The following ANKFN1 variants were observed in gnomAD, a reference collection of about 807,000 sequenced individuals.
ANKFN1 encodes the protein ankyrin repeat and fibronectin type III domain containing 1.
Under a neutral mutation model 108.7 loss-of-function variants are expected in ANKFN1, and 74 were observed. The ratio of observed to expected loss-of-function variants is 0.68; its 90% CI spans 0.56 to 0.83. The LOEUF (loss-of-function observed/expected upper bound fraction) is 0.83. Among genes scored for constraint, ANKFN1 ranks in the 40% least tolerant of loss-of-function variants. The pLI, the probability that ANKFN1 is intolerant of heterozygous loss-of-function variation, is 0.00. For synonymous variants in ANKFN1, 547 were observed against 516.2 expected (o/e 1.06, Z -0.81); for missense variants, 1,505 against 1,382.3 (o/e 1.09, Z -1.41).
chr17:56,066,087 C>T (rs1350972526), intron 4 of ANKFN1, among the ~76,000 whole-genome samples: 1 of 152,250 alleles, frequency 6.6e-6, no homozygotes, highest in Non-Finnish European at 1.5e-5. Flanking sequence ...TTACCTGAGA[C>T]ATTGGAGGTG....
intron 3 of ANKFN1, among the ~76,000 whole-genome samples, chr17:56,239,384 A>T (rs1171344070): frequency 2.6e-5 from 4 of 152,100 alleles, no homozygotes; most frequent in Non-Finnish European, 4.4e-5. Flanking sequence ...ATAAGCTAAC[A>T]ATTGAAGTGT....
chr17:56,504,707 G>C (rs1010578456), intron 20 of ANKFN1, among the ~76,000 whole-genome samples: 6 of 151,946 alleles, frequency 3.9e-5, no homozygotes, highest in Admixed American at 3.3e-4. Context: ...CCAGGCTGGA[G>C]TGCAGTGGCA....
In ANKFN1 at chr17:56,300,892, T is replaced by C. The variant is rs150213862; in HGVS notation, c.54-25329T>C. ...GCTTAGAATTTGGGTCCCTCCACCT[T>C]AATCAAATCCTGAAGTTCAGCATTA... On this transcript the variant is annotated intron_variant, in intron 3 of 20. Transcript: ENST00000682825. Among the ~76,000 whole-genome samples the C allele has an allele frequency of 1.6e-3, 237 of 152,298 alleles. 2 individuals carry two copies. Among genetic ancestry groups the C allele is most frequent in the Non-Finnish European group, 2.8e-3 (188 of 68,010 alleles).
rs149930194 is a variant in ANKFN1, at chr17:56,406,494, TATC to T, written c.910+31781_910+31783del. ...AGTCTTTTATAGTGCTTATTTAAGC[TATC>T]GAGAAAGAGAAGAGTCTTAAATGAC... On this transcript the variant is annotated intron_variant, in intron 8 of 20. Coordinates refer to ENST00000682825, the MANE Select transcript of ANKFN1 (RefSeq NM_001370326.1). 5.6e-3 allele frequency among the ~76,000 whole-genome samples: 856 copies of T among 152,306 alleles called. 3 individuals are homozygous for T. Among genetic ancestry groups the T allele is most frequent in the African/African-American group, 0.02 (831 of 41,574 alleles).
intron 4 of ANKFN1, among the ~76,000 whole-genome samples, chr17:56,329,906 G>A (rs932471458): frequency 6.6e-6 from 1 of 152,168 alleles, no homozygotes; most frequent in Admixed American, 6.5e-5. Flanking sequence ...GCTATAGCAA[G>A]AGGGTTCTGT....
intron 4 of ANKFN1, among the ~76,000 whole-genome samples, chr17:56,062,845 T>C (rs1904998622): frequency 6.6e-6 from 1 of 152,204 alleles, no homozygotes; most frequent in Non-Finnish European, 1.5e-5. Context: ...TTTTGGTGTG[T>C]TTTTGCAGTG....
intron 1 of ANKFN1, among the ~76,000 whole-genome samples, chr17:56,198,098 G>C (rs1266418679): frequency 1.3e-5 from 2 of 152,148 alleles, no homozygotes; most frequent in African/African-American, 4.8e-5. Flanking sequence ...GATGATCTGA[G>C]GTGAAGCAGT....
intron 3 of ANKFN1, among the ~76,000 whole-genome samples, chr17:56,239,092 A>G (rs1917384733): frequency 1.3e-5 from 2 of 152,186 alleles, no homozygotes; most frequent in Admixed American, 1.3e-4. Context: ...AGATTTCATC[A>G]TTCTATCTTT....
At chr17:56,145,107 T>C (rs1908179686) in intron 4 of ANKFN1, among the ~76,000 whole-genome samples, 1 of 151,782 alleles carries the variant, frequency 6.6e-6, no homozygotes, top group Non-Finnish European at 1.5e-5. Flanking sequence ...ACAAAAGGGG[T>C]AGGTGTTTTT....
intron 4 of ANKFN1, among the ~76,000 whole-genome samples, chr17:56,107,338 T>G (rs1405739437): frequency 6.6e-6 from 1 of 152,148 alleles, no homozygotes; most frequent in African/African-American, 2.4e-5. Context: ...GTCAAAATGC[T>G]CCATCCATGT....
chr17:56,501,353 T>C (rs535126891), intron 20 of ANKFN1, among the ~76,000 whole-genome samples: 32 of 152,290 alleles, frequency 2.1e-4, no homozygotes, highest in Admixed American at 4.6e-4. Context: ...AAATCAAATC[T>C]GGTTGCTGTA....
intron 15 of ANKFN1, chr17:56,472,222 G>C (rs1210002044): frequency 6.6e-6 from 1 of 152,060 alleles, no homozygotes; most frequent in African/African-American, 2.4e-5. Flanking sequence ...AAAAATTTTG[G>C]TAAAGTCTTT....
intron 4 of ANKFN1, among the ~76,000 whole-genome samples, chr17:56,087,963 T>C (rs1905346941): frequency 6.6e-6 from 1 of 151,164 alleles, no homozygotes; most frequent in African/African-American, 2.4e-5. Flanking sequence ...TTTGTGTGTA[T>C]GTGTTTGTGT....
intron 8 of ANKFN1, among the ~76,000 whole-genome samples, chr17:56,379,167 G>C (rs536061629): frequency 1.3e-5 from 2 of 152,254 alleles, no homozygotes; most frequent in South Asian, 4.2e-4. Flanking sequence ...GGGAGGCCAA[G>C]GTGGATGGAT....
intron 5 of ANKFN1, among the ~76,000 whole-genome samples, chr17:56,352,780 C>A (rs2046278358): frequency 6.6e-6 from 1 of 152,150 alleles, no homozygotes; most frequent in South Asian, 2.1e-4. Context: ...AAACTATCAA[C>A]CCACAGGAGC....
intron 3 of ANKFN1, among the ~76,000 whole-genome samples, chr17:56,230,966 G>T (rs1010985032): frequency 4.6e-5 from 7 of 152,074 alleles, no homozygotes; most frequent in African/African-American, 1.7e-4. Flanking sequence ...AATGAAATAA[G>T]TCAGAAAAGA....
At chr17:56,239,120 A>T (rs1031731585) in intron 3 of ANKFN1, among the ~76,000 whole-genome samples, 1 of 152,174 alleles carries the variant, frequency 6.6e-6, no homozygotes, top group South Asian at 2.1e-4. Context: ...AATTTTTTAG[A>T]CTACAAGAAT....
At chr17:56,493,880 A>G (rs1328089269) in intron 19 of ANKFN1, among the ~76,000 whole-genome samples, 1 of 152,194 alleles carries the variant, frequency 6.6e-6, no homozygotes, top group Non-Finnish European at 1.5e-5. Context: ...GAACGCTGTG[A>G]ACTTTGGGCA....
intron 3 of ANKFN1, among the ~76,000 whole-genome samples, chr17:56,313,138 G>A (rs1278769185): frequency 6.9e-6 from 1 of 145,980 alleles, no homozygotes; most frequent in East Asian, 2.0e-4. Flanking sequence ...GGGCAACAGA[G>A]CGAGAATCCA....
Sources: allele counts gnomAD v4.1 joint callset (sites outside exome capture counted in the v4.1 genomes callset), GRCh38; gene constraint gnomAD v4.1.1; transcripts MANE v1.5; gene names NCBI Gene and HGNC (gene_info 2026-07-23, HGNC 2026-07-21).